CEP85L: variants seen among roughly 807,000 people sequenced by gnomAD.
CEP85L encodes the protein centrosomal protein 85L, also known as centrosomal protein of 85 kDa-like.
A neutral mutation model predicts 100.3 loss-of-function variants in CEP85L; 60 were observed. The observed-to-expected ratio is 0.60, with a 90% CI of 0.49 to 0.74. The LOEUF is 0.74. Among genes scored for constraint, CEP85L ranks in the 30% least tolerant of loss-of-function variants. The pLI is 0.00. For missense variants in CEP85L, 973 were observed against 936.2 expected (o/e 1.04, Z -0.51); for synonymous variants, 319 against 322.7 (o/e 0.99, Z 0.12).
At chr6:118,627,281 A>G (rs944634110) in intron 2 of CEP85L, among the ~76,000 whole-genome samples, 3 of 152,124 alleles carry the variant, frequency 2.0e-5, no homozygotes, top group Admixed American at 6.6e-5. Flanking sequence ...AAGAAAAAAG[A>G]AAACAGACAA....
At chr6:118,703,454 C>T (rs1227691973) in intron 1 of CEP85L, among the ~76,000 whole-genome samples, 1 of 152,238 alleles carries the variant, frequency 6.6e-6, no homozygotes, top group East Asian at 1.9e-4. Flanking sequence ...GAGCCTCCCA[C>T]CCAGCCTCCC....
Position 118,462,589 on chromosome 6 carries a change from A to G in CEP85L, c.*2816T>C, listed in dbSNP as rs1041850073. The G allele has an allele frequency of 2.0e-5, 3 of 151,998 alleles. No individual in the cohort carries two copies. The highest frequency in any genetic ancestry group is 7.2e-5 in the African/African-American group (3 of 41,428). 9.4% of individuals were successfully genotyped at this position (151,998 alleles called of 1,614,324 possible). ...GTTGGATTCACAAAAAGCACAATTAAAACGAGGTTTCATTATCTAAGTAAA... is the reference window on the plus strand; with the variant it reads ...GTTGGATTCACAAAAAGCACAATTAGAACGAGGTTTCATTATCTAAGTAAA... On this transcript the variant is annotated 3_prime_UTR_variant, in exon 13 of 13. Coordinates refer to ENST00000368491, the MANE Select transcript of CEP85L (RefSeq NM_001042475.3).
At chr6:118,692,125 T>C (rs545211074) in intron 1 of CEP85L, among the ~76,000 whole-genome samples, 1 of 152,044 alleles carries the variant, frequency 6.6e-6, no homozygotes, top group African/African-American at 2.4e-5. Context: ...GTCTTAATGA[T>C]GACAAGGCCA....
intron 6 of CEP85L, among the ~76,000 whole-genome samples, chr6:118,490,744 A>C (rs577731337): frequency 6.6e-6 from 1 of 152,224 alleles, no homozygotes; most frequent in Non-Finnish European, 1.5e-5. Flanking sequence ...CTTTATAATG[A>C]AAAACACTAC....
chr6:118,689,822 T>C (rs1398248333), intron 1 of CEP85L, among the ~76,000 whole-genome samples: 2 of 152,176 alleles, frequency 1.3e-5, no homozygotes, highest in African/African-American at 4.8e-5. Flanking sequence ...CAACATGTTT[T>C]GCTTATAAGA....
At chr6:118,557,868 A>C (rs1164602770) in intron 3 of CEP85L, among the ~76,000 whole-genome samples, 2 of 151,870 alleles carry the variant, frequency 1.3e-5, no homozygotes, top group Non-Finnish European at 2.9e-5. Context: ...GCTCCTGACA[A>C]TTTTCATTTC....
chr6:118,520,380 C>T (rs1426229774), intron 4 of CEP85L, among the ~76,000 whole-genome samples: 1 of 152,036 alleles, frequency 6.6e-6, no homozygotes, highest in African/African-American at 2.4e-5. Context: ...AATTTTATTT[C>T]TATATATTTA....
chr6:118,571,693 T>C (rs1342279698), intron 2 of CEP85L, among the ~76,000 whole-genome samples: 2 of 152,160 alleles, frequency 1.3e-5, no homozygotes, highest in African/African-American at 2.4e-5. Flanking sequence ...GAATAAATCA[T>C]CAGTCTTCAC....
intron 3 of CEP85L, among the ~76,000 whole-genome samples, chr6:118,536,489 G>A (rs1186327396): frequency 6.6e-6 from 1 of 152,106 alleles, no homozygotes; most frequent in East Asian, 1.9e-4. Flanking sequence ...TATAATACAG[G>A]AAATACTTAT....
chr6:118,616,029 G>C (rs1431128650), intron 2 of CEP85L, among the ~76,000 whole-genome samples: 1 of 151,996 alleles, frequency 6.6e-6, no homozygotes, highest in East Asian at 1.9e-4. Context: ...ACTGAGTCTA[G>C]GAGAAGCCTT....
At chr6:118,632,364 A>G in intron 2 of CEP85L, 89 bp downstream of exon 2, 1 of 984,698 alleles carries the variant, frequency 1.0e-6, no homozygotes, top group Admixed American at 2.6e-5. Flanking sequence ...AATTTTCAGT[A>G]TGAAACAATA....
In CEP85L at chr6:118,565,909, C is replaced by G; in HGVS notation, c.640G>C (p.Glu214Gln). The change falls in exon 3 of 13, where the codon GAG (glutamate) becomes CAG (glutamine). Residue 214 changes from glutamate (E) to glutamine (Q), a missense_variant. Glu to Gln is a conservative substitution (Grantham distance 29). Transcript: ENST00000368491. ...CGTTTTTTATTTATTTCCTTGTCCT[C>G]TAACCTAAGCATCTCCATACTATCA... is the stretch of plus-strand genomic sequence containing the variant. Reference protein sequence around the residue: ...LHDSMEMLRLEDKEINKKRSS... With the variant: ...LHDSMEMLRLQDKEINKKRSS... 1 of 1,614,178 alleles carries G rather than the reference C, an allele frequency of 6.2e-7. No homozygotes were observed. The highest frequency in any genetic ancestry group is 8.5e-7 in the Non-Finnish European group (1 of 1,180,020).
At chr6:118,647,214 G>T in intron 1 of CEP85L, 1 of 224,418 alleles carries the variant, frequency 4.5e-6, no homozygotes, top group Non-Finnish European at 7.4e-6. Context: ...CTTATGGCAA[G>T]CATCAATTAA....
intron 2 of CEP85L, among the ~76,000 whole-genome samples, chr6:118,591,300 A>G (rs941114809): frequency 6.6e-6 from 1 of 152,088 alleles, no homozygotes; most frequent in African/African-American, 2.4e-5. Context: ...CCCAAGTAAC[A>G]AAAGTACCAG....
At chr6:118,484,233 T>C (rs547529431) in intron 6 of CEP85L, among the ~76,000 whole-genome samples, 68 of 152,308 alleles carry the variant, frequency 4.5e-4, no homozygotes, top group Non-Finnish European at 7.9e-4. Flanking sequence ...TGAGAATCGC[T>C]TGAACTGGGG....
chr6:118,519,084 TG>T (rs1350881176), intron 4 of CEP85L, among the ~76,000 whole-genome samples: 2 of 152,170 alleles, frequency 1.3e-5, no homozygotes, highest in Non-Finnish European at 2.9e-5. Flanking sequence ...GATTGCACTG[TG>T]GTCCGAGAGA....
intron 2 of CEP85L, among the ~76,000 whole-genome samples, chr6:118,617,849 C>G (rs1462932621): frequency 2.6e-5 from 4 of 152,188 alleles, no homozygotes; most frequent in Non-Finnish European, 5.9e-5. Context: ...AACTGCCACG[C>G]AGTGAGTACC....
upstream of CEP85L, among the ~76,000 whole-genome samples, chr6:118,656,572 C>T (rs1263055880): frequency 3.3e-5 from 5 of 152,184 alleles, no homozygotes; most frequent in Non-Finnish European, 5.9e-5. Context: ...ATGTAGTTGG[C>T]TGACAGCCTC....
intron 1 of CEP85L, among the ~76,000 whole-genome samples, chr6:118,675,943 A>G (rs1776468234): frequency 6.6e-6 from 1 of 152,214 alleles, no homozygotes; most frequent in Admixed American, 6.5e-5. Context: ...AAGAGAATGA[A>G]CAATAATAAA....
Sources: gnomAD v4.1 joint callset for allele counts (sites outside exome capture counted in the v4.1 genomes callset) on GRCh38, gnomAD v4.1.1 for gene constraint, MANE v1.5 for transcripts, NCBI Gene and HGNC (gene_info 2026-07-23, HGNC 2026-07-21) for gene names.